The following UBE2D3 variants were observed in gnomAD, a reference collection of about 807,000 sequenced individuals.
The protein encoded by UBE2D3 is ubiquitin conjugating enzyme E2 D3.
UBE2D3 carries 2 observed loss-of-function variants against 22.8 expected under a neutral mutation model. The observed-to-expected ratio is 0.09, with a 90% CI of 0.04 to 0.28. The LOEUF (loss-of-function observed/expected upper bound fraction) is 0.28. Among genes scored for constraint, UBE2D3 ranks in the 10% least tolerant of loss-of-function variants. UBE2D3 has a pLI of 1.00. For missense variants in UBE2D3, 27 were observed against 182.5 expected (o/e 0.15, Z 4.91); for synonymous variants, 56 against 60.4 (o/e 0.93, Z 0.34).
At position 102,826,807 on chromosome 4, in the gene UBE2D3, G is replaced by C. The variant is rs1182129774; in HGVS notation, c.-128-171C>G. On this transcript the variant is annotated intron_variant, in intron 1 of 7. Transcript: ENST00000453744. ...GAAGTGGGGGCGAGGGTGACGGGAA[G>C]AGCGGAGGTGGTGGCTACAAGTTTA... The C allele has an allele frequency of 2.4e-6, 3 of 1,241,446 alleles. No homozygotes were observed. In the African/African-American group the frequency reaches 4.7e-5, roughly 19 times the overall value. The allele number at this position is 1,241,446 out of a possible 1,614,324, so 76.9% of individuals were successfully genotyped here.
chr4:102,862,510 G>A (rs1732946023), intron 1 of UBE2D3, among the ~76,000 whole-genome samples: 1 of 147,860 alleles, frequency 6.8e-6, no homozygotes, highest in Non-Finnish European at 1.5e-5. Flanking sequence ...CTTATTTTGG[G>A]TTTCTTATAC....
intron 2 of UBE2D3, among the ~76,000 whole-genome samples, chr4:102,824,595 C>G (rs974255515): frequency 1.3e-5 from 2 of 152,234 alleles, no homozygotes; most frequent in Admixed American, 1.3e-4. Flanking sequence ...TGTTTACACT[C>G]TTAACCACTG....
At chr4:102,827,869 G>A (rs541527470), upstream of UBE2D3, 55 of 985,760 alleles carry the variant, frequency 5.6e-5, no homozygotes, top group Non-Finnish European at 6.4e-5. Context: ...GAGACCATGG[G>A]AGGAAGGTAA....
At chr4:102,813,691 T>A (rs1456141598) in intron 2 of UBE2D3, among the ~76,000 whole-genome samples, 1 of 152,048 alleles carries the variant, frequency 6.6e-6, no homozygotes, top group African/African-American at 2.4e-5. Context: ...GTCCTAGGAG[T>A]TAACACTGGA....
chr4:102,825,497 C>A (rs747737449), intron 2 of UBE2D3: 1 of 1,149,664 alleles, frequency 8.7e-7, no homozygotes, highest in South Asian at 1.8e-5. Flanking sequence ...AAAGGAGATG[C>A]CGGAAAGAGC....
intron 1 of UBE2D3, among the ~76,000 whole-genome samples, chr4:102,833,516 C>T (rs1731224784): frequency 6.6e-6 from 1 of 152,136 alleles, no homozygotes; most frequent in South Asian, 2.1e-4. Flanking sequence ...TTATAGATTA[C>T]TAAAATCACA....
At chr4:102,820,728 A>C (rs1178604152) in intron 2 of UBE2D3, among the ~76,000 whole-genome samples, 1 of 152,092 alleles carries the variant, frequency 6.6e-6, no homozygotes, top group Non-Finnish European at 1.5e-5. Flanking sequence ...CATTAAAACA[A>C]ACAAAACAAA....
chr4:102,823,550 A>C (rs1388136235), intron 2 of UBE2D3, among the ~76,000 whole-genome samples: 2 of 152,234 alleles, frequency 1.3e-5, no homozygotes, highest in Admixed American at 1.3e-4. Context: ...CTATTCTTTT[A>C]GGCTTGGTTC....
intron 2 of UBE2D3, among the ~76,000 whole-genome samples, chr4:102,818,535 A>T (rs1179363121): frequency 6.6e-6 from 1 of 152,222 alleles, no homozygotes; most frequent in East Asian, 1.9e-4. Flanking sequence ...TCATTAGTTA[A>T]AACACTACAA....
intron 1 of UBE2D3, among the ~76,000 whole-genome samples, chr4:102,833,497 T>A (rs1578279351): frequency 1.3e-5 from 2 of 152,326 alleles, no homozygotes; most frequent in South Asian, 2.1e-4. Flanking sequence ...GAGACTGTGC[T>A]TACAGTAATT....
At chr4:102,832,345 TGAG>T (rs754908058), upstream of UBE2D3, among the ~76,000 whole-genome samples, 7 of 151,054 alleles carry the variant, frequency 4.6e-5, no homozygotes, top group East Asian at 2.0e-4. Context: ...ACAGAAAAGA[TGAG>T]GAGACAAGAT....
chr4:102,868,828 C>T (rs188990141), exon 1 of UBE2D3: 4 of 1,593,826 alleles, frequency 2.5e-6, no homozygotes, highest in African/African-American at 1.3e-5. Flanking sequence ...AGAGGAGGGC[C>T]ACCTTCACAC....
At chr4:102,799,117 T>C in intron 7 of UBE2D3, 2 of 968,734 alleles carry the variant, frequency 2.1e-6, no homozygotes, top group Non-Finnish European at 3.0e-6. Context: ...AAAAACATGC[T>C]TGGGGTAAAG....
intron 1 of UBE2D3, among the ~76,000 whole-genome samples, chr4:102,839,843 G>A (rs890532550): frequency 6.6e-6 from 1 of 152,216 alleles, no homozygotes; most frequent in African/African-American, 2.4e-5. Flanking sequence ...ACAGCAGAGT[G>A]AAGAGATAAC....
intron 2 of UBE2D3, chr4:102,825,175 G>T: frequency 1.1e-6 from 1 of 918,178 alleles, no homozygotes; most frequent in Non-Finnish European, 1.3e-6. Flanking sequence ...GCAAATTCTT[G>T]CCATTCCTCT....
At chr4:102,806,462 G>A (rs1302234497) in intron 4 of UBE2D3, among the ~76,000 whole-genome samples, 2 of 151,498 alleles carry the variant, frequency 1.3e-5, no homozygotes, top group African/African-American at 4.9e-5. Context: ...AAGTCTTCAG[G>A]TATCAGTAAC....
At chr4:102,865,932 A>G (rs1288532969) in intron 1 of UBE2D3, among the ~76,000 whole-genome samples, 1 of 152,226 alleles carries the variant, frequency 6.6e-6, no homozygotes, top group Non-Finnish European at 1.5e-5. Context: ...TATGTCTTTT[A>G]AAGATGGAGT....
At chr4:102,807,695 A>G (rs963840718) in intron 4 of UBE2D3, among the ~76,000 whole-genome samples, 1 of 152,214 alleles carries the variant, frequency 6.6e-6, no homozygotes, top group African/African-American at 2.4e-5. Context: ...AAAATGAAAA[A>G]AGGTAAATGT....
chr4:102,838,675 G>T (rs138901478), intron 1 of UBE2D3, among the ~76,000 whole-genome samples: 2 of 152,026 alleles, frequency 1.3e-5, no homozygotes, highest in African/African-American at 4.8e-5. Context: ...ATTCTCTAAG[G>T]TAGAGAAAGG....
Sources: gnomAD v4.1 joint callset for allele counts (sites outside exome capture counted in the v4.1 genomes callset) on GRCh38, gnomAD v4.1.1 for gene constraint, MANE v1.5 for transcripts, NCBI Gene and HGNC (gene_info 2026-07-23, HGNC 2026-07-21) for gene names.